Variants in TBC1D22B observed in about 807,000 individuals in gnomAD.
The protein encoded by TBC1D22B is TBC1 domain family member 22B, also known as chromosome 6 open reading frame 197.
In TBC1D22B, 32 loss-of-function variants were observed where a neutral mutation model predicts 69.1. That is an observed-to-expected ratio of 0.46 (90% confidence interval 0.35 to 0.62). TBC1D22B has a LOEUF of 0.62. TBC1D22B is among the 20% of genes least tolerant of loss of function. The pLI is 0.00. For synonymous variants in TBC1D22B, 206 were observed against 229.8 expected, an observed-to-expected ratio of 0.90 and a Z score of 0.94; for missense variants, 462 against 630.9, an observed-to-expected ratio of 0.73 and a Z score of 2.87.
At chr6:37,289,599 A>G (rs1385256842) in intron 7 of TBC1D22B, among the ~76,000 whole-genome samples, 1 of 152,180 alleles carries the variant, frequency 6.6e-6, no homozygotes, top group Non-Finnish European at 1.5e-5. Flanking sequence ...GGATTTGAGT[A>G]TTTACAAGGG....
rs186882405 is a variant in TBC1D22B, at chr6:37,332,111, G to A, written c.*939G>A. The A allele has an allele frequency of 2.0e-5, 3 of 152,762 alleles. No homozygotes were observed. Among genetic ancestry groups the A allele is most frequent in the East Asian group, 3.9e-4 (2 of 5,180 alleles). 9.5% of individuals were successfully genotyped at this position (152,762 alleles called of 1,614,324 possible). On this transcript the variant is annotated 3_prime_UTR_variant, in exon 13 of 13. Transcript: ENST00000373491. ...AAGCAATCTAGGTCACTAGCACAGA[G>A]GAAGTTGCCAGGAAGGTGGCTTCAG...
intron 12 of TBC1D22B, among the ~76,000 whole-genome samples, chr6:37,319,647 C>G (rs1244078138): frequency 6.6e-6 from 1 of 152,214 alleles, no homozygotes; most frequent in Non-Finnish European, 1.5e-5. Flanking sequence ...TCGATTAATC[C>G]TGTTTGTGGA....
At chr6:37,275,882 G>T (rs1766653588) in intron 2 of TBC1D22B, among the ~76,000 whole-genome samples, 1 of 151,712 alleles carries the variant, frequency 6.6e-6, no homozygotes, top group African/African-American at 2.4e-5. Flanking sequence ...ATTGCTCCTG[G>T]TCTGTGGATT....
intron 10 of TBC1D22B, among the ~76,000 whole-genome samples, chr6:37,316,486 T>A (rs1437129989): frequency 1.3e-5 from 2 of 152,320 alleles, no homozygotes; most frequent in South Asian, 2.1e-4. Context: ...CTGGGGGATG[T>A]TAAAATAGTT....
intron 8 of TBC1D22B, among the ~76,000 whole-genome samples, chr6:37,308,662 C>T (rs1174987085): frequency 6.6e-6 from 1 of 152,194 alleles, no homozygotes; most frequent in Non-Finnish European, 1.5e-5. Context: ...GGCACCTTAC[C>T]AACTTATGAC....
intron 1 of TBC1D22B, among the ~76,000 whole-genome samples, chr6:37,260,470 G>A (rs1488051920): frequency 6.6e-6 from 1 of 152,084 alleles, no homozygotes; most frequent in South Asian, 2.1e-4. Context: ...AAAAATAACA[G>A]CTTTATTGAG....
At chr6:37,295,930 C>T (rs1003649939) in intron 8 of TBC1D22B, among the ~76,000 whole-genome samples, 1 of 152,158 alleles carries the variant, frequency 6.6e-6, no homozygotes, top group African/African-American at 2.4e-5. Context: ...ATCAATGTGG[C>T]CAACTTCATT....
intron 4 of TBC1D22B, among the ~76,000 whole-genome samples, chr6:37,282,600 T>C (rs967150967): frequency 6.6e-6 from 1 of 152,210 alleles, no homozygotes; most frequent in African/African-American, 2.4e-5. Context: ...ATTCTGACTT[T>C]GGTCTTCCTT....
At position 37,313,142 on chromosome 6, in the gene TBC1D22B, T is replaced by C; in HGVS notation, c.1089+118T>C. 3 of 748,786 alleles carry C rather than the reference T, an allele frequency of 4.0e-6. No homozygotes were observed. The East Asian group carries it at 7.7e-5, about 19-fold the overall frequency. 46.4% of individuals were successfully genotyped at this position (748,786 alleles called of 1,614,324 possible). A position where few individuals can be genotyped will look rare whatever the true frequency, so the allele number is the denominator to read the frequency against. ...GGACCACCCACCCACCCACTATGGCTCCTCCTCCTTTTCATCCATCTCTAT... is the reference window on the plus strand; with the variant it reads ...GGACCACCCACCCACCCACTATGGCCCCTCCTCCTTTTCATCCATCTCTAT... On this transcript the variant is annotated intron_variant, in intron 9 of 12. Transcript: ENST00000373491.
intron 8 of TBC1D22B, among the ~76,000 whole-genome samples, chr6:37,299,985 G>C (rs180964082): frequency 1.1e-4 from 17 of 149,100 alleles, no homozygotes; most frequent in East Asian, 7.8e-4. Flanking sequence ...CTCTAGCCTG[G>C]GTGACAGAGT....
At chr6:37,330,278 C>T (rs532707576) in intron 12 of TBC1D22B, among the ~76,000 whole-genome samples, 3 of 119,356 alleles carry the variant, frequency 2.5e-5, no homozygotes, top group Admixed American at 1.1e-4. Context: ...CTCACTCAGT[C>T]GCCAGGCTGG....
intron 8 of TBC1D22B, among the ~76,000 whole-genome samples, chr6:37,299,336 T>C (rs1418792506): frequency 1.3e-5 from 2 of 152,182 alleles, no homozygotes; most frequent in East Asian, 3.8e-4. Context: ...TTAAAAATAT[T>C]AGGTTGAATC....
At chr6:37,327,393 G>A (rs1220924306) in intron 12 of TBC1D22B, among the ~76,000 whole-genome samples, 7 of 114,376 alleles carry the variant, frequency 6.1e-5, no homozygotes, top group Admixed American at 5.6e-4. Context: ...CAGGAGAATG[G>A]CGTGAACCCG....
chr6:37,319,040 T>C (rs1768164237), intron 12 of TBC1D22B, among the ~76,000 whole-genome samples: 2 of 152,214 alleles, frequency 1.3e-5, no homozygotes, highest in Admixed American at 6.5e-5. Flanking sequence ...TCCCTGAGCA[T>C]TACCACTCTG....
intron 8 of TBC1D22B, among the ~76,000 whole-genome samples, chr6:37,307,213 C>A (rs752804685): frequency 1.3e-5 from 2 of 152,110 alleles, no homozygotes; most frequent in Non-Finnish European, 2.9e-5. Flanking sequence ...AAGATGAATT[C>A]TTGACAGTTT....
chr6:37,273,183 C>CAAAAAA (rs58720560), intron 2 of TBC1D22B, among the ~76,000 whole-genome samples: 1 of 77,272 alleles, frequency 1.3e-5, no homozygotes, highest in Non-Finnish European at 2.5e-5. Flanking sequence ...AACCCCGAGG[C>CAAAAAA]AAAAAAAAAA....
At chr6:37,270,355 G>A (rs1169981530) in intron 2 of TBC1D22B, among the ~76,000 whole-genome samples, 5 of 152,154 alleles carry the variant, frequency 3.3e-5, no homozygotes, top group African/African-American at 1.2e-4. Context: ...GGAGGCTGAG[G>A]CATGAGAATC....
At chr6:37,324,992 C>T (rs1329298267) in intron 12 of TBC1D22B, among the ~76,000 whole-genome samples, 1 of 152,216 alleles carries the variant, frequency 6.6e-6, no homozygotes, top group Non-Finnish European at 1.5e-5. Flanking sequence ...AATAAGTGCT[C>T]AATAAATAAT....
At chr6:37,258,181 G>A in intron 1 of TBC1D22B, 1 of 583,518 alleles carries the variant, frequency 1.7e-6, no homozygotes, top group Non-Finnish European at 3.0e-6. Flanking sequence ...ACCGGGGTCT[G>A]GGGGCGGAGG....
Sources: gnomAD v4.1 joint callset for allele counts (sites outside exome capture counted in the v4.1 genomes callset) on GRCh38, gnomAD v4.1.1 for gene constraint, MANE v1.5 for transcripts, NCBI Gene and HGNC (gene_info 2026-07-23, HGNC 2026-07-21) for gene names.